The following MRRF variants were observed in gnomAD, a reference collection of about 807,000 sequenced individuals.
The protein encoded by MRRF is ribosome-recycling factor, mitochondrial.
Under a neutral mutation model 25.1 loss-of-function variants are expected in MRRF, and 18 were observed. That is an observed-to-expected ratio of 0.72 (90% CI 0.50 to 1.06). MRRF has a LOEUF of 1.06. Ranked by LOEUF, MRRF falls within the 50% of genes least tolerant of loss-of-function variation. MRRF has a pLI of 0.00. For missense variants in MRRF, 323 were observed against 319.3 expected, an observed-to-expected ratio of 1.01 and a Z score of -0.09; for synonymous variants, 113 against 112.1, an observed-to-expected ratio of 1.01 and a Z score of -0.05.
intron 5 of MRRF, among the ~76,000 whole-genome samples, chr9:122,305,036 G>A (rs1834747374): frequency 6.6e-6 from 1 of 151,878 alleles, no homozygotes; most frequent in Non-Finnish European, 1.5e-5. Flanking sequence ...TCGAATTCCT[G>A]GGCTCAAGGA....
chr9:122,307,180 G>A (rs886091586), intron 5 of MRRF, among the ~76,000 whole-genome samples: 4 of 152,216 alleles, frequency 2.6e-5, no homozygotes, highest in Non-Finnish European at 5.9e-5. Flanking sequence ...CTGGCAAACA[G>A]TGAAGCAGGA....
chr9:122,270,252 T>G (rs2119026002), intron 1 of MRRF, among the ~76,000 whole-genome samples: 1 of 152,326 alleles, frequency 6.6e-6, no homozygotes, highest in Middle Eastern at 3.4e-3. Context: ...AGATGTAGAA[T>G]GCGTAACTTG....
At position 122,313,374 on chromosome 9, in the gene MRRF, A is replaced by C; in HGVS notation, c.699A>C (p.Leu233=). ...KDTVSEDTIR[L]IEKQISQMAD... ...CAGTCTCAGAGGACACCATTAGGCT[A>C]ATAGAGAAACAGGTACTATTGCCAG... is the stretch of plus-strand genomic sequence containing the variant. The change falls in exon 6 of 7, where the codon CTA becomes CTC. Residue 233 remains leucine, a synonymous_variant. Transcript: ENST00000344641. 1.9e-6 allele frequency: 3 copies of C among 1,614,050 alleles called. No homozygotes were observed. Among genetic ancestry groups the C allele is most frequent in the Non-Finnish European group, 2.5e-6 (3 of 1,179,908 alleles).
rs1836262741 is a variant in MRRF at position 122,330,773 on chromosome 9, T to G, written c.*8156T>G. On this transcript the variant is annotated 3_prime_UTR_variant, in exon 7 of 7. Transcript: ENST00000344641. This position sits in a 1 kb window ranked among gnomAD's most constrained non-coding sequence, Gnocchi z 4.2. The stretch of plus-strand genomic sequence containing the variant: ...GGTGAAACCCCATCTCTACTAAAAA[T>G]AAAAAATTTAGCCAGGTGTGGTGGC... 1 of 152,100 alleles carries G rather than the reference T, an allele frequency of 6.6e-6. No homozygotes were observed. Among genetic ancestry groups the G allele is most frequent in the East Asian group, 1.9e-4 (1 of 5,182 alleles). The allele number at this position is 152,100 out of a possible 1,614,324, so 9.4% of individuals were successfully genotyped here.
In MRRF at chr9:122,328,009, A is replaced by T. The variant is rs971234985; in HGVS notation, c.*5392A>T. On this transcript the variant is annotated 3_prime_UTR_variant, in exon 7 of 7. Coordinates refer to ENST00000344641, the MANE Select transcript of MRRF (RefSeq NM_138777.5). Reference sequence around the variant, plus strand: ...TTTTTAGACAGGGTCTTGCTCTGTCACTCAGGCTGGATTTCAGTGGCATGA... The same window carrying T: ...TTTTTAGACAGGGTCTTGCTCTGTCTCTCAGGCTGGATTTCAGTGGCATGA... The T allele has an allele frequency of 6.6e-6, 1 of 151,638 alleles. No individual in the cohort carries two copies. The highest frequency in any genetic ancestry group is 1.5e-5 in the Non-Finnish European group (1 of 68,000). The allele number at this position is 151,638 out of a possible 1,614,324, so 9.4% of individuals were successfully genotyped here.
chr9:122,283,947 A>C (rs984421847), intron 3 of MRRF, among the ~76,000 whole-genome samples: 3 of 151,258 alleles, frequency 2.0e-5, no homozygotes, highest in African/African-American at 7.4e-5. Context: ...ATCCAGGATA[A>C]TAGGAAAATG....
At chr9:122,316,048 A>G (rs1432752803) in intron 6 of MRRF, among the ~76,000 whole-genome samples, 1 of 152,116 alleles carries the variant, frequency 6.6e-6, no homozygotes, top group Non-Finnish European at 1.5e-5. Flanking sequence ...AGTAATTGAA[A>G]TCTCATCACT....
At chr9:122,279,002 A>G (rs1832941977) in intron 2 of MRRF, among the ~76,000 whole-genome samples, 1 of 152,008 alleles carries the variant, frequency 6.6e-6, no homozygotes. Flanking sequence ...CCTCCCGAGT[A>G]GCCGGGATTA....
intron 4 of MRRF, 99 bp from the exon 5 acceptor site, chr9:122,291,650 T>A (rs1005815182): frequency 3.5e-6 from 3 of 857,030 alleles, no homozygotes; most frequent in Admixed American, 3.5e-5. Context: ...ACTAAATGTT[T>A]CCATGTTCTG....
intron 1 of MRRF, among the ~76,000 whole-genome samples, 181 bp downstream of exon 1, chr9:122,265,119 G>A (rs1314002338): frequency 2.0e-5 from 3 of 152,086 alleles, no homozygotes; most frequent in African/African-American, 4.8e-5. Flanking sequence ...ATGGGGTGGG[G>A]GCGGGGCTCC....
intron 6 of MRRF, among the ~76,000 whole-genome samples, chr9:122,317,091 T>C (rs1390931985): frequency 6.6e-6 from 1 of 150,674 alleles, no homozygotes; most frequent in Non-Finnish European, 1.5e-5. Context: ...TATATATAAA[T>C]CTTTGTTGAG....
At chr9:122,285,765 G>C in intron 4 of MRRF, 1 of 1,111,436 alleles carries the variant, frequency 9.0e-7, no homozygotes, top group South Asian at 1.6e-5. Context: ...GACTAATTGA[G>C]TTTTTTTTTT....
Position 122,270,914 on chromosome 9 carries a change from T to A in MRRF, c.23T>A (p.Phe8Tyr). 6.2e-7 allele frequency: 1 copy of A among 1,614,184 alleles called. No individual in the cohort carries two copies. The highest frequency in any genetic ancestry group is 8.5e-7 in the Non-Finnish European group (1 of 1,180,012). ...GTCATGGCCTTGGGATTAAAGTGCT[T>A]CCGCATGGTCCACCCTACCTTTCGC... is the stretch of plus-strand genomic sequence containing the variant. MALGLKC[F>Y]RMVHPTFRNY... Residue 8 changes from phenylalanine (F) to tyrosine (Y), a missense_variant, in exon 2 of 7, where the codon TTC becomes TAC. Phe to Tyr is a conservative substitution (Grantham distance 22). Transcript: ENST00000344641.
chr9:122,281,998 CA>C (rs1354841345), intron 3 of MRRF, among the ~76,000 whole-genome samples: 18 of 152,164 alleles, frequency 1.2e-4, no homozygotes, highest in Non-Finnish European at 2.4e-4. Context: ...GATCTCATGG[CA>C]AATCAGGAAG....
chr9:122,306,017 A>G (rs1834820148), intron 5 of MRRF, among the ~76,000 whole-genome samples: 1 of 152,232 alleles, frequency 6.6e-6, no homozygotes. Flanking sequence ...TGAGGTAACT[A>G]AGTCACAGAG....
At chr9:122,289,140 G>A (rs150804423) in intron 4 of MRRF, among the ~76,000 whole-genome samples, 112 of 152,228 alleles carry the variant, frequency 7.4e-4, no homozygotes, top group Non-Finnish European at 1.3e-3. Context: ...AATTCAGTAG[G>A]TTTCTTTGTA....
chr9:122,283,964 G>GTTT (rs1237769076), intron 3 of MRRF, among the ~76,000 whole-genome samples: 3 of 140,998 alleles, frequency 2.1e-5, no homozygotes, highest in Admixed American at 6.8e-5. Flanking sequence ...AATGTTAATA[G>GTTT]TTTTGTTGTT....
chr9:122,288,057 T>A lies in MRRF; in HGVS notation c.459+2770T>A, dbSNP rs183913850. Among the ~76,000 whole-genome samples the A allele has an allele frequency of 1.4e-4, 22 of 152,350 alleles. No homozygotes were observed. In the East Asian group the frequency reaches 3.9e-3, roughly 27 times the overall value. ...GTGACACGATGCAGATTTACATGCA[T>A]GATCTTTTTGAATGCATTGAAGACA... On this transcript the variant is annotated intron_variant, in intron 4 of 6. Coordinates refer to ENST00000344641, the MANE Select transcript of MRRF (RefSeq NM_138777.5).
intron 6 of MRRF, among the ~76,000 whole-genome samples, chr9:122,316,368 G>A (rs62575586): frequency 2.0e-5 from 3 of 151,840 alleles, no homozygotes; most frequent in Admixed American, 6.6e-5. Context: ...TAGAGATGAG[G>A]TTTCACCATG....
Sources: gnomAD v4.1 joint callset for allele counts (sites outside exome capture counted in the v4.1 genomes callset) on GRCh38, gnomAD v4.1.1 for gene constraint, Gnocchi (gnomAD v3.1) non-coding constraint, MANE v1.5 for transcripts, NCBI Gene and HGNC (gene_info 2026-07-23, HGNC 2026-07-21) for gene names.